Variants in CELF4 observed in about 807,000 individuals in gnomAD.
CELF4 encodes the protein CUG-BP- and ETR-3-like factor 4.
In CELF4, 18 loss-of-function variants were observed where a neutral mutation model predicts 59.9. That is an observed-to-expected ratio of 0.30 (90% CI 0.21 to 0.45). The LOEUF is 0.45. Among genes scored for constraint, CELF4 ranks in the 20% least tolerant of loss-of-function variants. The pLI is 1.00. For synonymous variants in CELF4, 261 were observed against 267.1 expected, an observed-to-expected ratio of 0.98 and a Z score of 0.22; for missense variants, 456 against 689.0, an observed-to-expected ratio of 0.66 and a Z score of 3.79.
chr18:37,463,749 G>T (rs1603641823), intron 2 of CELF4, among the ~76,000 whole-genome samples: 1 of 152,258 alleles, frequency 6.6e-6, no homozygotes, highest in Middle Eastern at 3.4e-3. Flanking sequence ...TTGCTCAGTG[G>T]GTCCCAGCTC....
rs77499658 is a variant in CELF4, at chr18:37,432,455, G to A, written c.369+53070C>T. 2.4e-3 allele frequency among the ~76,000 whole-genome samples: 363 copies of A among 152,332 alleles called. 3 individuals are homozygous for A. Among genetic ancestry groups the A allele is most frequent in the African/African-American group, 8.5e-3 (352 of 41,568 alleles). On this transcript the variant is annotated intron_variant, in intron 2 of 12. Coordinates refer to ENST00000420428, the MANE Select transcript of CELF4 (RefSeq NM_020180.4). ...GAGAACAACAGATAGGAGAAATCAT[G>A]GTAGGCACACTATCCTTCAACTTTA...
chr18:37,382,072 G>T (rs1040780155), intron 2 of CELF4, among the ~76,000 whole-genome samples: 3 of 152,186 alleles, frequency 2.0e-5, no homozygotes, highest in African/African-American at 7.2e-5. Flanking sequence ...TGACCTGGTA[G>T]GGAAGTTAAA....
intron 1 of CELF4, among the ~76,000 whole-genome samples, chr18:37,515,994 G>T (rs778203365): frequency 6.6e-6 from 1 of 152,176 alleles, no homozygotes; most frequent in Admixed American, 6.5e-5. Context: ...GATGCACTTT[G>T]GTGGAGTGAG....
intron 3 of CELF4, among the ~76,000 whole-genome samples, chr18:37,316,568 C>T (rs1276149774): frequency 6.6e-6 from 1 of 152,042 alleles, no homozygotes; most frequent in Admixed American, 6.6e-5. Flanking sequence ...GGTGACAAGC[C>T]CAACCCCTTG....
intron 2 of CELF4, among the ~76,000 whole-genome samples, chr18:37,429,061 C>T (rs554067330): frequency 2.0e-5 from 3 of 152,246 alleles, no homozygotes; most frequent in Admixed American, 1.3e-4. Context: ...TCTCTGCTGC[C>T]GTATCTTGGT....
intron 8 of CELF4, among the ~76,000 whole-genome samples, chr18:37,268,847 T>C (rs948437): frequency 0.036 from 5,487 of 152,262 alleles, 330 homozygotes; most frequent in African/African-American, 0.12. Context: ...TTAAAGATGG[T>C]AAATTAATTT....
intron 2 of CELF4, among the ~76,000 whole-genome samples, chr18:37,453,129 T>C (rs1423379944): frequency 6.6e-6 from 1 of 152,238 alleles, no homozygotes; most frequent in African/African-American, 2.4e-5. Flanking sequence ...AATGGCCCCC[T>C]CCTTTTCTCT....
chr18:37,541,250 A>C (rs1202308385), intron 1 of CELF4, among the ~76,000 whole-genome samples: 1 of 152,070 alleles, frequency 6.6e-6, no homozygotes, highest in Non-Finnish European at 1.5e-5. Flanking sequence ...GCTCTCAGCA[A>C]GGCCAAATCA....
chr18:37,362,780 C>G (rs969365551), intron 2 of CELF4, among the ~76,000 whole-genome samples: 1 of 152,176 alleles, frequency 6.6e-6, no homozygotes, highest in Non-Finnish European at 1.5e-5. Context: ...CTCGGCTCTC[C>G]CTGCTGATCT....
At chr18:37,510,224 TC>T (rs2099942681) in intron 1 of CELF4, among the ~76,000 whole-genome samples, 1 of 152,170 alleles carries the variant, frequency 6.6e-6, no homozygotes, top group Non-Finnish European at 1.5e-5. Context: ...AACTTTACCC[TC>T]CTCCTGCCCC....
chr18:37,345,218 C>T (rs2098208768), intron 2 of CELF4, among the ~76,000 whole-genome samples: 1 of 152,166 alleles, frequency 6.6e-6, no homozygotes, highest in African/African-American at 2.4e-5. Flanking sequence ...CAGGGGCTAC[C>T]CACACCAGCC....
intron 3 of CELF4, among the ~76,000 whole-genome samples, chr18:37,282,604 G>A (rs1170990503): frequency 6.6e-6 from 1 of 152,140 alleles, no homozygotes; most frequent in Admixed American, 6.5e-5. Flanking sequence ...TACAGCAGCA[G>A]AACTGCCTTC....
At chr18:37,357,000 T>C (rs2098600100) in intron 2 of CELF4, among the ~76,000 whole-genome samples, 1 of 152,154 alleles carries the variant, frequency 6.6e-6, no homozygotes, top group Non-Finnish European at 1.5e-5. Context: ...CCAGCCCCTC[T>C]CCTACCCATT....
At chr18:37,560,109 T>C (rs1238638441) in intron 1 of CELF4, among the ~76,000 whole-genome samples, 1 of 152,208 alleles carries the variant, frequency 6.6e-6, no homozygotes, top group Non-Finnish European at 1.5e-5. Flanking sequence ...CAATCTAGAA[T>C]TCCCATTAAA....
intron 2 of CELF4, among the ~76,000 whole-genome samples, chr18:37,377,700 A>T (rs914333072): frequency 1.3e-5 from 2 of 152,076 alleles, no homozygotes; most frequent in African/African-American, 4.8e-5. Context: ...GTCTTGAGTT[A>T]CTCAAGTCGA....
intron 1 of CELF4, among the ~76,000 whole-genome samples, chr18:37,551,766 G>A (rs2099983255): frequency 6.6e-6 from 1 of 152,180 alleles, no homozygotes; most frequent in African/African-American, 2.4e-5. Flanking sequence ...GGACACTGCA[G>A]ACCCAAAGCA....
chr18:37,448,761 C>G (rs570158328), intron 2 of CELF4, among the ~76,000 whole-genome samples: 1 of 152,360 alleles, frequency 6.6e-6, no homozygotes, highest in African/African-American at 2.4e-5. Context: ...CCAAGAAGTG[C>G]TCAGCCCACT....
At chr18:37,355,566 G>T (rs890592215) in intron 2 of CELF4, among the ~76,000 whole-genome samples, 5 of 152,064 alleles carry the variant, frequency 3.3e-5, no homozygotes, top group African/African-American at 1.2e-4. Flanking sequence ...CCAGCTACAC[G>T]GGAGGCTGAG....
At chr18:37,311,186 A>G (rs948976102) in intron 3 of CELF4, among the ~76,000 whole-genome samples, 2 of 152,198 alleles carry the variant, frequency 1.3e-5, no homozygotes, top group African/African-American at 4.8e-5. Flanking sequence ...AGATCAATCA[A>G]CACCCCCTCC....
Sources: allele counts gnomAD v4.1 joint callset (sites outside exome capture counted in the v4.1 genomes callset), GRCh38; gene constraint gnomAD v4.1.1; transcripts MANE v1.5; gene names NCBI Gene and HGNC (gene_info 2026-07-23, HGNC 2026-07-21).